The following FETUB variants were observed in gnomAD, a reference collection of about 807,000 sequenced individuals.
FETUB encodes the protein fetuin-B.
A neutral mutation model predicts 30.9 loss-of-function variants in FETUB; 28 were observed. The ratio of observed to expected loss-of-function variants is 0.90; its 90% confidence interval spans 0.67 to 1.24. FETUB has a LOEUF of 1.24. Ranked by LOEUF, FETUB falls within the 50% of genes most tolerant of loss-of-function variation. The pLI is 0.00. For synonymous variants in FETUB, 186 were observed against 175.9 expected, an observed-to-expected ratio of 1.06 and a Z score of -0.45; for missense variants, 469 against 455.3, an observed-to-expected ratio of 1.03 and a Z score of -0.27.
At chr3:186,650,855 G>T (rs192974223) in intron 5 of FETUB, among the ~76,000 whole-genome samples, 2 of 152,150 alleles carry the variant, frequency 1.3e-5, no homozygotes, top group African/African-American at 4.8e-5. Context: ...CAGGTGGAAC[G>T]CACTTAAAGG....
chr3:186,652,815 T>C lies in FETUB; in HGVS notation c.*184T>C. ...ATGAGACTGAGCCCTCGGCTTGGGC[T>C]GCACTCTACCCTGTACACTGCCTTG... On this transcript the variant is annotated 3_prime_UTR_variant, in exon 7 of 7. Transcript: ENST00000265029. The C allele has an allele frequency of 1.5e-6, 1 of 663,446 alleles. No homozygotes were observed. The highest frequency in any genetic ancestry group is 2.5e-6 in the Non-Finnish European group (1 of 402,350). The allele number at this position is 663,446 out of a possible 1,614,324, so 41.1% of individuals were successfully genotyped here.
chr3:186,644,104 C>G (rs189668444), intron 3 of FETUB, among the ~76,000 whole-genome samples: 5 of 152,082 alleles, frequency 3.3e-5, no homozygotes, highest in African/African-American at 1.2e-4. Context: ...CATCTCAAAC[C>G]TTTATCACTT....
Position 186,648,540 on chromosome 3 carries a change from G to A in FETUB, c.696+2191G>A, listed in dbSNP as rs374926887. ...AATTTCTATTTTTAAAAAGGCAGTT[G>A]GAAATTTGATACATTTGATTGCATT... On this transcript the variant is annotated intron_variant, in intron 5 of 6. Transcript: ENST00000265029. Among the ~76,000 whole-genome samples, 739 of 152,178 alleles carry A rather than the reference G, an allele frequency of 4.9e-3. 3 individuals carry two copies. The highest frequency in any genetic ancestry group is 7.3e-3 in the Non-Finnish European group (497 of 67,988).
intron 5 of FETUB, among the ~76,000 whole-genome samples, chr3:186,649,152 G>A (rs1040100784): frequency 6.6e-6 from 1 of 152,186 alleles, no homozygotes; most frequent in Non-Finnish European, 1.5e-5. Context: ...TTCTCCAGAA[G>A]GTTCTCTGAG....
In FETUB at chr3:186,640,441, T is replaced by C. The variant is rs763478617; in HGVS notation, c.-20T>C. ...TGCAGCTCCACAAACTGACCCATCC[T>C]GGGCCTTGTTCTCCACAGAATGGGT... On this transcript the variant is annotated 5_prime_UTR_variant, in exon 1 of 7. Transcript: ENST00000265029. 13 of 1,602,846 alleles carry C rather than the reference T, an allele frequency of 8.1e-6. No individual in the cohort carries two copies. In the Admixed American group the frequency reaches 8.3e-5, roughly 10 times the overall value.
At chr3:186,642,413 T>C in intron 2 of FETUB, 58 bp from the exon 3 acceptor site, 2 of 901,932 alleles carry the variant, frequency 2.2e-6, no homozygotes, top group Non-Finnish European at 3.6e-6. Context: ...ATTTTGGAGG[T>C]ATTTTAAAAG....
intron 3 of FETUB, among the ~76,000 whole-genome samples, chr3:186,643,578 A>G (rs1283646469): frequency 1.3e-5 from 2 of 152,210 alleles, no homozygotes; most frequent in African/African-American, 2.4e-5. Flanking sequence ...TTTGTTAGGC[A>G]CAGTTTAAGG....
chr3:186,645,242 G>A (rs35530899), intron 4 of FETUB, among the ~76,000 whole-genome samples: 19,194 of 152,188 alleles, frequency 0.13, 1,436 homozygotes, highest in East Asian at 0.24. Flanking sequence ...GTGACTGATC[G>A]TGGACCATTT....
chr3:186,652,187 G>T lies in FETUB; in HGVS notation c.781-76G>T, dbSNP rs1336869643. 5.4e-6 allele frequency: 8 copies of T among 1,472,070 alleles called. No individual in the cohort carries two copies. In the East Asian group the frequency reaches 1.8e-4, roughly 34 times the overall value. 91.2% of individuals were successfully genotyped at this position (1,472,070 alleles called of 1,614,324 possible). On this transcript the variant is annotated intron_variant, in intron 6 of 6. Coordinates refer to ENST00000265029, the MANE Select transcript of FETUB (RefSeq NM_014375.3). ...TGAAATGTTCCAACAGAAAGGCACA[G>T]ATCAGCTTAGGCTGGTACTAGGCAT... is the stretch of plus-strand genomic sequence containing the variant.
In FETUB at chr3:186,645,721, CTTTTTTTTTTTT is replaced by C. The variant is rs35992832; in HGVS notation, c.595-514_595-503del. On this transcript the variant is annotated intron_variant, in intron 4 of 6. Transcript: ENST00000265029. Reference sequence around the variant, plus strand: ...GAAGGTGTTTAGGGCCCATTCAAATCTTTTTTTTTTTTTTTTTTTTTTTTGAGACGGAGTCTC... The same window carrying C: ...GAAGGTGTTTAGGGCCCATTCAAATCTTTTTTTTTTTTGAGACGGAGTCTC... 6.3e-5 allele frequency among the ~76,000 whole-genome samples: 5 copies of C among 79,582 alleles called. No homozygotes were observed. In the South Asian group the frequency reaches 1.7e-3, roughly 27 times the overall value. 52.2% of individuals were successfully genotyped at this position (79,582 alleles called of 152,430 possible).
chr3:186,648,837 T>C (rs1717761472), intron 5 of FETUB, among the ~76,000 whole-genome samples: 3 of 152,250 alleles, frequency 2.0e-5, no homozygotes, highest in Admixed American at 1.3e-4. Context: ...TGATTTTTTA[T>C]ATTGATCTTA....
intron 4 of FETUB, among the ~76,000 whole-genome samples, chr3:186,645,811 C>CTG (rs1717472260): frequency 1.3e-5 from 2 of 148,858 alleles, no homozygotes; most frequent in African/African-American, 2.5e-5. Context: ...ACTGCAACCT[C>CTG]CAACTCCCTG....
In FETUB at chr3:186,644,829, T is replaced by C. The variant is rs79103998; in HGVS notation, c.503T>C (p.Leu168Pro). The C allele has an allele frequency of 7.4e-6, 12 of 1,613,826 alleles. No homozygotes were observed. In the Admixed American group the frequency reaches 2.0e-4, roughly 27 times the overall value. Residue 168 changes from leucine (L) to proline (P), a missense_variant, in exon 4 of 7, where the codon CTG (leucine) becomes CCG (proline). Transcript: ENST00000265029. ...IPTDSSNHQV[L>P]EAATESLAKY... The stretch of plus-strand genomic sequence containing the variant: ...ACTGACTCTTCCAATCACCAAGTGC[T>C]GGAGGCTGCCACCGAGTCTCTTGCG...
At position 186,641,028 on chromosome 3, in the gene FETUB, AGG is replaced by A; in HGVS notation, c.226_227del (p.Gly76TrpfsTer16). 1.2e-6 allele frequency: 2 copies of A among 1,600,220 alleles called. No individual in the cohort carries two copies. Among genetic ancestry groups the A allele is most frequent in the Non-Finnish European group, 1.7e-6 (2 of 1,167,598 alleles). ...ATTGCATTTCTCTACCCCTTCCCAC[AGG>A]GTGGCCTGGGATCTCTGTTCTATCT... On this transcript the variant is annotated splice_acceptor_variant and coding_sequence_variant, in exon 2 of 7. Coordinates refer to ENST00000265029, the MANE Select transcript of FETUB (RefSeq NM_014375.3). LOFTEE classifies it high-confidence loss of function.
At chr3:186,649,124 G>A (rs1200411209) in intron 5 of FETUB, among the ~76,000 whole-genome samples, 1 of 152,132 alleles carries the variant, frequency 6.6e-6, no homozygotes, top group East Asian at 1.9e-4. Context: ...AGATCTCCTT[G>A]GTGCAAGTAC....
chr3:186,649,243 G>C (rs1014446082), intron 5 of FETUB, among the ~76,000 whole-genome samples: 12 of 151,374 alleles, frequency 7.9e-5, no homozygotes, highest in African/African-American at 2.4e-4. Context: ...TACTTTAATG[G>C]CTTTTCCCAC....
chr3:186,644,978 G>C, intron 4 of FETUB, 58 bp downstream of exon 4: 1 of 1,397,884 alleles, frequency 7.2e-7, no homozygotes, highest in Non-Finnish European at 9.7e-7. Flanking sequence ...GTTGCTGTAG[G>C]TTCCTAAGCT....
chr3:186,640,324 G>C, upstream of FETUB: 1 of 696,534 alleles, frequency 1.4e-6, no homozygotes, highest in Non-Finnish European at 2.6e-6. Context: ...GAAAATCCAA[G>C]TTCAGAATTC....
Position 186,644,845 on chromosome 3 carries a change from G to A in FETUB, c.519G>A (p.Glu173=), listed in dbSNP as rs760171993. The A allele has an allele frequency of 6.2e-7, 1 of 1,613,920 alleles. No homozygotes were observed. The highest frequency in any genetic ancestry group is 8.5e-7 in the Non-Finnish European group (1 of 1,179,998). The change falls in exon 4 of 7, where the codon GAG becomes GAA. Residue 173 remains glutamate (E), a synonymous_variant. Coordinates refer to ENST00000265029, the MANE Select transcript of FETUB (RefSeq NM_014375.3). ...ACCAAGTGCTGGAGGCTGCCACCGA[G>A]TCTCTTGCGAAATACAACAATGAGA... is the stretch of plus-strand genomic sequence containing the variant. ...SNHQVLEAAT[E]SLAKYNNENT...
Sources: gnomAD v4.1 joint callset for allele counts (sites outside exome capture counted in the v4.1 genomes callset) on GRCh38, gnomAD v4.1.1 for gene constraint, MANE v1.5 for transcripts, NCBI Gene and HGNC (gene_info 2026-07-23, HGNC 2026-07-21) for gene names.